Variants in RAP1A observed in about 807,000 individuals in gnomAD.
RAP1A encodes ras-related protein Rap-1A.
Under a neutral mutation model 26.4 loss-of-function variants are expected in RAP1A, and 6 were observed. The ratio of observed to expected loss-of-function variants is 0.23; its 90% CI spans 0.12 to 0.45. The LOEUF (loss-of-function observed/expected upper bound fraction) is 0.45, where lower values mean the gene tolerates loss of function less well. Ranked by LOEUF, RAP1A falls within the 20% of genes least tolerant of loss-of-function variation. RAP1A has a pLI of 0.99. For missense variants in RAP1A, 121 were observed against 217.2 expected, an observed-to-expected ratio of 0.56 and a Z score of 2.78; for synonymous variants, 73 against 79.4, an observed-to-expected ratio of 0.92 and a Z score of 0.43.
At chr1:111,674,742 T>G (rs1475500888) in intron 1 of RAP1A, among the ~76,000 whole-genome samples, 1 of 152,186 alleles carries the variant, frequency 6.6e-6, no homozygotes, top group Admixed American at 6.5e-5. Context: ...CTTCATTCCT[T>G]TTAGTAGCTT....
At chr1:111,671,151 T>A (rs1260611144) in intron 1 of RAP1A, among the ~76,000 whole-genome samples, 1 of 152,192 alleles carries the variant, frequency 6.6e-6, no homozygotes, top group African/African-American at 2.4e-5. Flanking sequence ...AACCTTGTAT[T>A]TTTAAAAGGC....
chr1:111,682,624 C>T (rs1661333222), intron 1 of RAP1A, among the ~76,000 whole-genome samples: 1 of 151,972 alleles, frequency 6.6e-6, no homozygotes, highest in Admixed American at 6.6e-5. Context: ...GCAATGAGAG[C>T]TAACTATCCT....
intron 1 of RAP1A, among the ~76,000 whole-genome samples, chr1:111,655,658 CTTTTTTTTTTTTTTT>C (rs34266778): frequency 2.3e-5 from 2 of 85,130 alleles, no homozygotes; most frequent in Non-Finnish European, 4.1e-5. Flanking sequence ...TGTTCATAGT[CTTTTTTTTTTTTTTT>C]TTTTTTTTTT....
intron 1 of RAP1A, among the ~76,000 whole-genome samples, chr1:111,656,991 G>C (rs551801112): frequency 2.0e-5 from 3 of 152,022 alleles, no homozygotes; most frequent in Non-Finnish European, 4.4e-5. Context: ...CCATTAAACA[G>C]TAATTCCCCA....
At chr1:111,637,503 C>CA (rs755133252) in intron 1 of RAP1A, among the ~76,000 whole-genome samples, 13 of 152,206 alleles carry the variant, frequency 8.5e-5, no homozygotes, top group Non-Finnish European at 1.3e-4. Context: ...AGCCAATTTT[C>CA]ACCCCATTGG....
intron 1 of RAP1A, among the ~76,000 whole-genome samples, chr1:111,685,677 G>C (rs1446271817): frequency 1.3e-5 from 2 of 152,192 alleles, no homozygotes; most frequent in Admixed American, 1.3e-4. Context: ...CTGTTGGTAG[G>C]AGTGTAAATT....
intron 5 of RAP1A, 142 bp downstream of exon 5, chr1:111,703,618 T>G: frequency 1.3e-6 from 1 of 761,704 alleles, no homozygotes; most frequent in South Asian, 3.8e-5. Context: ...AGAAAAAAAT[T>G]TAACTTTCAA....
At chr1:111,710,240 C>T (rs1662335932) in intron 7 of RAP1A, among the ~76,000 whole-genome samples, 1 of 152,138 alleles carries the variant, frequency 6.6e-6, no homozygotes, top group Non-Finnish European at 1.5e-5. Flanking sequence ...CAACTTCTTT[C>T]AAATAAAGGT....
intron 1 of RAP1A, among the ~76,000 whole-genome samples, chr1:111,559,755 T>C (rs1657654456): frequency 6.6e-6 from 1 of 152,212 alleles, no homozygotes; most frequent in South Asian, 2.1e-4. Flanking sequence ...TTTAAAACTT[T>C]CCTTCCTTCA....
Position 111,609,130 on chromosome 1 carries a change from G to T in RAP1A, c.-28+66621G>T, listed in dbSNP as rs1210088929. Among the ~76,000 whole-genome samples the T allele has an allele frequency of 2.6e-5, 4 of 152,162 alleles. No individual in the cohort carries two copies. The East Asian group carries it at 7.7e-4, about 29-fold the overall frequency. Reference sequence around the variant, plus strand: ...CAGCTCAGAGGATGAACAGAGGGGCGGTGAGAAAGAACCCTCCAACTCCCA... The same window carrying T: ...CAGCTCAGAGGATGAACAGAGGGGCTGTGAGAAAGAACCCTCCAACTCCCA... On this transcript the variant is annotated intron_variant, in intron 1 of 7. Coordinates refer to the RAP1A transcript ENST00000356415.
intron 1 of RAP1A, among the ~76,000 whole-genome samples, chr1:111,577,260 G>A (rs1658164861): frequency 6.6e-6 from 1 of 151,902 alleles, no homozygotes; most frequent in Non-Finnish European, 1.5e-5. Context: ...AAATTAGCTG[G>A]GTGTGGTGGC....
At chr1:111,562,055 A>C (rs1657762489) in intron 1 of RAP1A, among the ~76,000 whole-genome samples, 1 of 152,122 alleles carries the variant, frequency 6.6e-6, no homozygotes, top group Non-Finnish European at 1.5e-5. Context: ...CTCAACTGGG[A>C]CAGCCACCCC....
chr1:111,632,847 GGAGGCAGAGGTTGTGGT>G (rs1489751769), intron 1 of RAP1A, among the ~76,000 whole-genome samples: 25 of 151,526 alleles, frequency 1.6e-4, no homozygotes, highest in East Asian at 1.9e-4. Context: ...CTTGAACCTG[GGAGGCAGAGGTTGTGGT>G]GAGCCAGGAT....
rs570862409 is a variant in RAP1A at position 111,594,436 on chromosome 1, T to C, written c.-28+51927T>C. Among the ~76,000 whole-genome samples the C allele has an allele frequency of 7.3e-5, 11 of 151,048 alleles. No homozygotes were observed. The South Asian group carries it at 2.3e-3, about 31-fold the overall frequency. ...CCAAGGCTGCAGTGAGCCGTGATCA[T>C]GCCACTGTGCTCCAGCCTGGGCAAG... On this transcript the variant is annotated intron_variant, in intron 1 of 7. Transcript: ENST00000356415.
intron 1 of RAP1A, among the ~76,000 whole-genome samples, chr1:111,583,605 A>C (rs905009374): frequency 1.3e-5 from 2 of 152,182 alleles, no homozygotes; most frequent in African/African-American, 4.8e-5. Context: ...ATTTCACACA[A>C]AAGATTAATG....
intron 1 of RAP1A, among the ~76,000 whole-genome samples, chr1:111,663,655 C>T (rs1419378552): frequency 2.0e-5 from 3 of 152,136 alleles, no homozygotes; most frequent in Non-Finnish European, 2.9e-5. Context: ...ATTGAATTAC[C>T]GAATATAGTG....
chr1:111,577,131 G>A (rs560252006), intron 1 of RAP1A, among the ~76,000 whole-genome samples: 8 of 152,178 alleles, frequency 5.3e-5, no homozygotes, highest in Non-Finnish European at 8.8e-5. Flanking sequence ...GCTGAGGTGC[G>A]GTGGCTCACG....
intron 1 of RAP1A, among the ~76,000 whole-genome samples, chr1:111,566,023 C>A (rs770250453): frequency 6.6e-6 from 1 of 151,794 alleles, no homozygotes; most frequent in Non-Finnish European, 1.5e-5. Context: ...AATGATGAGT[C>A]CTGAAGTGCC....
chr1:111,582,288 A>G (rs1404833204), intron 1 of RAP1A, among the ~76,000 whole-genome samples: 2 of 152,172 alleles, frequency 1.3e-5, no homozygotes, highest in Non-Finnish European at 2.9e-5. Context: ...GGTGGACCAC[A>G]AGGGGTGGAG....
Sources: allele counts gnomAD v4.1 joint callset (sites outside exome capture counted in the v4.1 genomes callset), GRCh38; gene constraint gnomAD v4.1.1; transcripts MANE v1.5; gene names NCBI Gene and HGNC (gene_info 2026-07-23, HGNC 2026-07-21).